CSMD1: variants seen among roughly 807,000 people sequenced by gnomAD.
The protein encoded by CSMD1 is CUB and Sushi multiple domains 1.
Under a neutral mutation model 417.5 loss-of-function variants are expected in CSMD1, and 213 were observed. The ratio of observed to expected loss-of-function variants is 0.51; its 90% CI spans 0.46 to 0.57. CSMD1 has a LOEUF of 0.57. Among genes scored for constraint, CSMD1 ranks in the 20% least tolerant of loss-of-function variants. CSMD1 has a pLI of 0.00. For synonymous variants in CSMD1, 2,862 were observed against 1,736.8 expected (o/e 1.65, Z -16.11); for missense variants, 6,923 against 4,529.7 (o/e 1.53, Z -15.17).
chr8:4,794,108 G>C (rs1007718998), intron 1 of CSMD1, among the ~76,000 whole-genome samples: 1 of 152,136 alleles, frequency 6.6e-6, no homozygotes, highest in South Asian at 2.1e-4. Context: ...AGTCAGATAA[G>C]TACTGTTCCC....
chr8:3,266,209 G>T (rs561177896), intron 26 of CSMD1, among the ~76,000 whole-genome samples: 1 of 150,850 alleles, frequency 6.6e-6, no homozygotes, highest in Non-Finnish European at 1.5e-5. Flanking sequence ...CAAAATAGTG[G>T]CCAGGGAGTC....
chr8:4,361,013 A>T, intron 3 of CSMD1, among the ~76,000 whole-genome samples: 1 of 152,300 alleles, frequency 6.6e-6, no homozygotes, highest in East Asian at 1.9e-4. Context: ...TTTAAAATAA[A>T]ATATTTCTTA....
chr8:3,889,747 G>A (rs1023339958), intron 5 of CSMD1, among the ~76,000 whole-genome samples: 1 of 151,694 alleles, frequency 6.6e-6, no homozygotes, highest in Non-Finnish European at 1.5e-5. Context: ...ATTATGTATA[G>A]TATCACCTTA....
At chr8:3,916,566 T>C (rs1459970758) in intron 5 of CSMD1, among the ~76,000 whole-genome samples, 1 of 152,178 alleles carries the variant, frequency 6.6e-6, no homozygotes, top group Non-Finnish European at 1.5e-5. Context: ...GTATGAAGTA[T>C]GATTGTATGA....
In CSMD1 at chr8:3,944,417, T is replaced by A. The variant is rs1333338673; in HGVS notation, c.818+53486A>T. On this transcript the variant is annotated intron_variant, in intron 5 of 69. Coordinates refer to ENST00000635120, the MANE Select transcript of CSMD1 (RefSeq NM_033225.6). ...GACAATTAACTGAGTGGGTGATTCT[T>A]CTTCATATTCAACTGATAAAATAAG... Among the ~76,000 whole-genome samples the A allele has an allele frequency of 2.0e-5, 3 of 152,160 alleles. No individual in the cohort carries two copies. The East Asian group carries it at 5.8e-4, about 29-fold the overall frequency.
Position 4,256,439 on chromosome 8 carries a change from A to G in CSMD1, c.415+163514T>C, listed in dbSNP as rs142433891. On this transcript the variant is annotated intron_variant, in intron 3 of 69. Coordinates refer to ENST00000635120, the MANE Select transcript of CSMD1 (RefSeq NM_033225.6). Reference sequence around the variant, plus strand: ...AAAATAGCACAGAATTGTGAAGATTAAAAGAGGTGATATAGAGACATGAAT... The same window carrying G: ...AAAATAGCACAGAATTGTGAAGATTGAAAGAGGTGATATAGAGACATGAAT... Among the ~76,000 whole-genome samples the G allele has an allele frequency of 3.3e-5, 5 of 152,342 alleles. No homozygotes were observed. The East Asian group carries it at 9.6e-4, about 29-fold the overall frequency.
At chr8:3,642,701 A>G (rs1028496510) in intron 7 of CSMD1, among the ~76,000 whole-genome samples, 1 of 152,192 alleles carries the variant, frequency 6.6e-6, no homozygotes, top group African/African-American at 2.4e-5. Flanking sequence ...CAAAAGAAGT[A>G]TATTTAACAT....
intron 26 of CSMD1, among the ~76,000 whole-genome samples, chr8:3,251,367 T>C (rs1313316933): frequency 9.2e-5 from 14 of 152,180 alleles, no homozygotes; most frequent in Non-Finnish European, 2.9e-5. Flanking sequence ...AAAGATCAGA[T>C]AGTTGTAGAT....
At chr8:4,363,143 G>A (rs115370946) in intron 3 of CSMD1, among the ~76,000 whole-genome samples, 87 of 152,318 alleles carry the variant, frequency 5.7e-4, no homozygotes, top group African/African-American at 2.0e-3. Flanking sequence ...AATAATAGGT[G>A]AGAGACAGTT....
At chr8:4,119,260 A>T (rs185105507) in intron 3 of CSMD1, among the ~76,000 whole-genome samples, 122 of 152,120 alleles carry the variant, frequency 8.0e-4, no homozygotes, top group African/African-American at 1.7e-3. Context: ...AGTAAAATTA[A>T]AAAAAAAATA....
chr8:4,542,873 ACT>A (rs1683714014), intron 2 of CSMD1, among the ~76,000 whole-genome samples: 1 of 152,098 alleles, frequency 6.6e-6, no homozygotes, highest in Non-Finnish European at 1.5e-5. Flanking sequence ...TATTTCTATC[ACT>A]CTAATAGAAA....
intron 40 of CSMD1, among the ~76,000 whole-genome samples, chr8:3,148,540 A>G (rs966168697): frequency 2.6e-5 from 4 of 152,242 alleles, no homozygotes; most frequent in Admixed American, 2.6e-4. Flanking sequence ...ACTCATGTGC[A>G]TAGAACGGAG....
intron 23 of CSMD1, 23 bp from the exon 24 acceptor site, chr8:3,308,526 A>G (rs1430994830): frequency 6.3e-7 from 1 of 1,593,498 alleles, no homozygotes; most frequent in Admixed American, 1.7e-5. Flanking sequence ...AAGGCAAGGA[A>G]TGAACAGAAC....
At chr8:3,802,550 C>A (rs906871117) in intron 5 of CSMD1, among the ~76,000 whole-genome samples, 11 of 152,072 alleles carry the variant, frequency 7.2e-5, no homozygotes, top group African/African-American at 2.2e-4. Context: ...AATAATTTTG[C>A]CACCTACTTA....
chr8:4,188,080 G>C (rs142622439), intron 3 of CSMD1, among the ~76,000 whole-genome samples: 181 of 152,144 alleles, frequency 1.2e-3, no homozygotes, highest in African/African-American at 3.8e-3. Context: ...AAATAGAAAA[G>C]TGACTGCTGG....
In CSMD1 at chr8:3,710,056, C is replaced by A. The variant is rs552761499; in HGVS notation, c.932-1565G>T. On this transcript the variant is annotated intron_variant, in intron 6 of 69. Transcript: ENST00000635120. ...TCTTGACCAGATGCCTTACCAATAA[C>A]ATAAACAGTTACTTAACATATAGAC... Among the ~76,000 whole-genome samples the A allele has an allele frequency of 3.0e-4, 46 of 152,160 alleles. 1 individual carries two copies. Among genetic ancestry groups the A allele is most frequent in the African/African-American group, 1.1e-3 (46 of 41,512 alleles).
At chr8:3,979,220 G>C (rs1374708904) in intron 5 of CSMD1, among the ~76,000 whole-genome samples, 5 of 152,178 alleles carry the variant, frequency 3.3e-5, no homozygotes, top group African/African-American at 4.8e-5. Flanking sequence ...ATAATGTATA[G>C]GAAGTTTTAG....
At chr8:3,303,568 C>T (rs1288411059) in intron 25 of CSMD1, among the ~76,000 whole-genome samples, 3 of 152,182 alleles carry the variant, frequency 2.0e-5, no homozygotes, top group Admixed American at 1.3e-4. Flanking sequence ...TTTCTGCTAA[C>T]AATTAGGAAC....
chr8:4,321,956 T>C (rs1275951847), intron 3 of CSMD1, among the ~76,000 whole-genome samples: 1 of 152,094 alleles, frequency 6.6e-6, no homozygotes, highest in Non-Finnish European at 1.5e-5. Flanking sequence ...ACATTATCAC[T>C]ATGAAATTAC....
Sources: allele counts gnomAD v4.1 joint callset (sites outside exome capture counted in the v4.1 genomes callset), GRCh38; gene constraint gnomAD v4.1.1; transcripts MANE v1.5; gene names NCBI Gene and HGNC (gene_info 2026-07-23, HGNC 2026-07-21).